Variants in DNAH3 observed in about 807,000 individuals in gnomAD.
The protein encoded by DNAH3 is axonemal beta dynein heavy chain 3.
DNAH3 carries 332 observed loss-of-function variants against 432.5 expected under a neutral mutation model. The ratio of observed to expected loss-of-function variants is 0.77; its 90% CI spans 0.70 to 0.84. The LOEUF (loss-of-function observed/expected upper bound fraction) is 0.84, where lower values mean the gene tolerates loss of function less well. Among genes scored for constraint, DNAH3 ranks in the 40% least tolerant of loss-of-function variants. The probability of loss-of-function intolerance (pLI) is 0.00; values close to 1 mark genes in which losing one functional copy is unlikely to be tolerated. For missense variants in DNAH3, 4,861 were observed against 5,114.0 expected (o/e 0.95, Z 1.51); for synonymous variants, 1,956 against 1,900.2 (o/e 1.03, Z -0.76).
chr16:21,039,110 A>C (rs1452119635), intron 33 of DNAH3, among the ~76,000 whole-genome samples: 1 of 152,162 alleles, frequency 6.6e-6, no homozygotes, highest in Admixed American at 6.5e-5. Context: ...AAAACTGGAC[A>C]ATACTTGAAT....
At chr16:20,949,376 A>G (rs1417635855) in intron 56 of DNAH3, among the ~76,000 whole-genome samples, 1 of 151,952 alleles carries the variant, frequency 6.6e-6, no homozygotes, top group Non-Finnish European at 1.5e-5. Flanking sequence ...AACAAAAAAA[A>G]AGACATTTAA....
chr16:21,034,072 A>G, exon 36 of DNAH3: 1 of 1,610,842 alleles, frequency 6.2e-7, no homozygotes, highest in East Asian at 2.2e-5. Flanking sequence ...TCTCACCAGC[A>G]TCATTTCGTA....
chr16:21,039,214 CTTTTTTTTTTTT>C (rs200708542), intron 33 of DNAH3, among the ~76,000 whole-genome samples: 34,636 of 126,120 alleles, frequency 0.27, 4,851 homozygotes, highest in Admixed American at 0.37. Flanking sequence ...TATAGTGTTG[CTTTTTTTTTTTT>C]TTTTTTTTTT....
intron 18 of DNAH3, 61 bp downstream of exon 18, chr16:21,097,294 T>C: frequency 6.3e-7 from 1 of 1,587,730 alleles, no homozygotes. Flanking sequence ...ATTTCAGAAG[T>C]GACTGGGTGG....
intron 6 of DNAH3, among the ~76,000 whole-genome samples, chr16:21,135,281 T>C (rs1393957526): frequency 1.3e-5 from 2 of 152,214 alleles, no homozygotes; most frequent in African/African-American, 2.4e-5. Context: ...AAACCCACCA[T>C]GGATGATACC....
At chr16:21,002,876 T>C (rs953206742) in intron 42 of DNAH3, among the ~76,000 whole-genome samples, 2 of 152,174 alleles carry the variant, frequency 1.3e-5, no homozygotes, top group Non-Finnish European at 2.9e-5. Context: ...ACCATAAATG[T>C]TCCCCCCACC....
At chr16:21,095,010 TC>T (rs1433999330) in intron 18 of DNAH3, among the ~76,000 whole-genome samples, 7 of 152,194 alleles carry the variant, frequency 4.6e-5, no homozygotes, top group Non-Finnish European at 1.0e-4. Flanking sequence ...AACTTCTTTT[TC>T]TTTACAAATT....
rs566210702 is a variant in DNAH3 at position 21,000,639 on chromosome 16, G to T, written c.6127-121C>A. On this transcript the variant is annotated intron_variant, in intron 42 of 61. Coordinates refer to ENST00000261383, the Ensembl canonical transcript of DNAH3. ...CCTTACTATCTTTATGACCTTAGGC[G>T]AGTCTTTAACCTCTCCATGGGCCTC... is the stretch of plus-strand genomic sequence containing the variant. The T allele has an allele frequency of 1.2e-5, 11 of 889,660 alleles. No homozygotes were observed. The African/African-American group carries it at 1.7e-4, about 14-fold the overall frequency. The allele number at this position is 889,660 out of a possible 1,614,324, so 55.1% of individuals were successfully genotyped here.
intron 32 of DNAH3, 89 bp downstream of exon 32, chr16:21,041,938 G>T: frequency 1.3e-6 from 2 of 1,491,560 alleles, no homozygotes; most frequent in South Asian, 1.2e-5. Flanking sequence ...CTCCCAAAGT[G>T]CTGGGATTAT....
chr16:20,967,488 TCTG>T (rs1885587586), intron 52 of DNAH3, among the ~76,000 whole-genome samples: 1 of 142,538 alleles, frequency 7.0e-6, no homozygotes, highest in Non-Finnish European at 1.5e-5. Flanking sequence ...GGCACAGACT[TCTG>T]CTTTTTTTTT....
At chr16:20,965,049 C>T in exon 53 of DNAH3, 1 of 1,614,146 alleles carries the variant, frequency 6.2e-7, no homozygotes, top group Middle Eastern at 1.6e-4. Flanking sequence ...TGGTGTTCAT[C>T]TCTTCAAAGT....
chr16:21,095,975 G>T (rs1337068114), intron 18 of DNAH3, among the ~76,000 whole-genome samples: 1 of 152,082 alleles, frequency 6.6e-6, no homozygotes, highest in East Asian at 1.9e-4. Context: ...TTGCTAAGTT[G>T]CTCAGGCTGG....
At chr16:21,154,198 G>C (rs1373290995) in intron 1 of DNAH3, among the ~76,000 whole-genome samples, 1 of 152,224 alleles carries the variant, frequency 6.6e-6, no homozygotes, top group African/African-American at 2.4e-5. Context: ...GAGGTCAGGG[G>C]TTCAAGACCA....
At chr16:21,134,903 G>C (rs1567853136) in intron 6 of DNAH3, among the ~76,000 whole-genome samples, 1 of 152,076 alleles carries the variant, frequency 6.6e-6, no homozygotes. Flanking sequence ...GGCCAGGTTG[G>C]TCTTGAAATC....
At chr16:21,075,464 C>A (rs150815005) in exon 21 of DNAH3, 1 of 1,613,728 alleles carries the variant, frequency 6.2e-7, no homozygotes, top group Non-Finnish European at 8.5e-7. Context: ...CTGTATTTCA[C>A]GAAGCTGAAC....
chr16:21,134,720 G>A (rs1024042578), intron 6 of DNAH3, among the ~76,000 whole-genome samples: 3 of 151,610 alleles, frequency 2.0e-5, no homozygotes, highest in Admixed American at 6.6e-5. Context: ...TCGCTCTGTC[G>A]CCCAGGCTCG....
intron 8 of DNAH3, 47 bp from the exon 10 acceptor site, chr16:21,125,417 G>T: frequency 6.7e-7 from 1 of 1,483,714 alleles, no homozygotes; most frequent in South Asian, 1.4e-5. Flanking sequence ...TCTGGGCTCC[G>T]AGGAACCCAC....
chr16:21,069,629 C>T, intron 22 of DNAH3, 35 bp from the exon 23 acceptor site: 1 of 1,574,828 alleles, frequency 6.3e-7, no homozygotes, highest in Non-Finnish European at 8.7e-7. Flanking sequence ...GGATCATTAA[C>T]CTGCCACTCT....
At chr16:21,109,466 T>C (rs1437714211) in intron 14 of DNAH3, among the ~76,000 whole-genome samples, 1 of 152,218 alleles carries the variant, frequency 6.6e-6, no homozygotes, top group Non-Finnish European at 1.5e-5. Flanking sequence ...AGTATTATTA[T>C]TAATTTGCTG....
Sources: allele counts gnomAD v4.1 joint callset (sites outside exome capture counted in the v4.1 genomes callset), GRCh38; gene constraint gnomAD v4.1.1; transcripts MANE v1.5; gene names NCBI Gene and HGNC (gene_info 2026-07-23, HGNC 2026-07-21).